The following TMEM117 variants were observed in gnomAD, a reference collection of about 807,000 sequenced individuals.
The protein encoded by TMEM117 is transmembrane protein 117.
A neutral mutation model predicts 52.4 loss-of-function variants in TMEM117; 27 were observed. The ratio of observed to expected loss-of-function variants is 0.51; its 90% CI spans 0.38 to 0.71. TMEM117 has a LOEUF of 0.71. Ranked by LOEUF, TMEM117 falls within the 30% of genes least tolerant of loss-of-function variation. TMEM117 has a pLI of 0.00. For synonymous variants in TMEM117, 215 were observed against 206.3 expected (o/e 1.04, Z -0.36); for missense variants, 556 against 630.5 (o/e 0.88, Z 1.26).
chr12:44,237,763 TAATCATC>T (rs1950015972), intron 5 of TMEM117, among the ~76,000 whole-genome samples: 2 of 152,110 alleles, frequency 1.3e-5, no homozygotes, highest in African/African-American at 4.8e-5. Context: ...TTTGATTGTT[TAATCATC>T]ATTATCTGAT....
At chr12:43,833,377 T>C (rs1191145976), upstream of TMEM117, among the ~76,000 whole-genome samples, 1 of 152,220 alleles carries the variant, frequency 6.6e-6, no homozygotes, top group Non-Finnish European at 1.5e-5. Context: ...GAATGATTTT[T>C]ATCCCACTAT....
intron 4 of TMEM117, among the ~76,000 whole-genome samples, chr12:44,167,821 G>A (rs1391948207): frequency 3.9e-5 from 6 of 152,278 alleles, no homozygotes; most frequent in African/African-American, 1.4e-4. Context: ...TCTGAGGTCT[G>A]CATTACATAG....
intron 2 of TMEM117, among the ~76,000 whole-genome samples, chr12:43,902,613 T>C (rs1271864930): frequency 6.6e-6 from 1 of 152,076 alleles, no homozygotes; most frequent in Non-Finnish European, 1.5e-5. Flanking sequence ...TAGGAGGGTA[T>C]TGGAACCAGA....
intron 2 of TMEM117, among the ~76,000 whole-genome samples, chr12:43,852,523 AC>A (rs1315035642): frequency 1.3e-5 from 2 of 152,156 alleles, no homozygotes; most frequent in Non-Finnish European, 2.9e-5. Flanking sequence ...AATCACTTGA[AC>A]CCAGGAGGCA....
intron 2 of TMEM117, among the ~76,000 whole-genome samples, chr12:43,904,069 G>C (rs1205365168): frequency 6.6e-6 from 1 of 152,154 alleles, no homozygotes; most frequent in African/African-American, 2.4e-5. Context: ...TTTAAGAAAA[G>C]AAGTATTTTG....
At chr12:43,845,015 A>G (rs1450896696) in intron 2 of TMEM117, 87 bp downstream of exon 2, 8 of 1,474,392 alleles carry the variant, frequency 5.4e-6, no homozygotes, top group Middle Eastern at 4.3e-4. Context: ...CTAAGTGCCA[A>G]TGTAGGAGGC....
intron 3 of TMEM117, among the ~76,000 whole-genome samples, chr12:44,051,012 C>T (rs756145963): frequency 3.3e-5 from 5 of 152,078 alleles, no homozygotes; most frequent in Non-Finnish European, 7.4e-5. Flanking sequence ...TATTACGATC[C>T]TTGGGATTTG....
At chr12:43,829,948 C>T in the TMEM117 span, among the ~76,000 whole-genome samples, 29 of 151,496 alleles carry the variant, frequency 1.9e-4, no homozygotes, top group South Asian at 4.0e-3. Flanking sequence ...ATTAGCTGGG[C>T]GTGGTGGTGC....
intron 4 of TMEM117, among the ~76,000 whole-genome samples, chr12:44,154,384 T>A (rs73290230): frequency 0.031 from 4,642 of 151,980 alleles, 159 homozygotes; most frequent in African/African-American, 0.083. Flanking sequence ...TGACCAGAGG[T>A]TATATGAGAA....
intron 6 of TMEM117, among the ~76,000 whole-genome samples, chr12:44,326,600 A>C (rs1184463724): frequency 6.6e-6 from 1 of 152,200 alleles, no homozygotes; most frequent in East Asian, 1.9e-4. Context: ...AGATCATATG[A>C]AGAGCAATGT....
the TMEM117 span, among the ~76,000 whole-genome samples, chr12:43,827,323 C>T: frequency 2.6e-5 from 4 of 152,042 alleles, no homozygotes; most frequent in Admixed American, 2.0e-4. Context: ...CTGTTTGAGC[C>T]TTGAGCTTTA....
intron 6 of TMEM117, among the ~76,000 whole-genome samples, chr12:44,313,965 C>CT (rs1471763351): frequency 1.3e-5 from 2 of 152,094 alleles, no homozygotes; most frequent in Non-Finnish European, 2.9e-5. Context: ...TGTCCTGAAA[C>CT]TTTACTAAAG....
At chr12:44,188,178 C>T (rs1592591966) in intron 4 of TMEM117, among the ~76,000 whole-genome samples, 1 of 152,110 alleles carries the variant, frequency 6.6e-6, no homozygotes, top group Admixed American at 6.6e-5. Flanking sequence ...TTATCTATTG[C>T]TGATTTGGGG....
intron 5 of TMEM117, among the ~76,000 whole-genome samples, chr12:44,239,240 G>A (rs1029848334): frequency 2.6e-5 from 4 of 152,096 alleles, no homozygotes; most frequent in African/African-American, 9.7e-5. Context: ...TTCAAATAAT[G>A]GGTGAAAATG....
At chr12:43,923,138 T>C (rs769969047) in intron 2 of TMEM117, among the ~76,000 whole-genome samples, 5 of 152,194 alleles carry the variant, frequency 3.3e-5, no homozygotes, top group Non-Finnish European at 7.4e-5. Context: ...GTCTATCAGA[T>C]ATGTTGCTTC....
intron 3 of TMEM117, among the ~76,000 whole-genome samples, chr12:43,987,431 CAT>C (rs1311891797): frequency 2.6e-5 from 4 of 152,084 alleles, no homozygotes; most frequent in African/African-American, 9.7e-5. Flanking sequence ...TTCTGTTTAA[CAT>C]ATTTTAATCT....
At chr12:43,972,551 C>G (rs1239955135) in intron 3 of TMEM117, among the ~76,000 whole-genome samples, 2 of 152,172 alleles carry the variant, frequency 1.3e-5, no homozygotes, top group Non-Finnish European at 2.9e-5. Flanking sequence ...CTGCTCACGT[C>G]CTGCTGATTG....
At chr12:44,165,079 G>A (rs187557376) in intron 4 of TMEM117, among the ~76,000 whole-genome samples, 8 of 152,020 alleles carry the variant, frequency 5.3e-5, no homozygotes, top group East Asian at 1.9e-4. Flanking sequence ...CCCTGCCACC[G>A]CCTTCACCCC....
At chr12:44,001,459 C>T (rs116092432) in intron 3 of TMEM117, among the ~76,000 whole-genome samples, 2,390 of 152,228 alleles carry the variant, frequency 0.016, 25 homozygotes, top group Middle Eastern at 0.027. Flanking sequence ...ATTGAAGTAG[C>T]AACTGTGGTA....
Sources: allele counts gnomAD v4.1 joint callset (sites outside exome capture counted in the v4.1 genomes callset), GRCh38; gene constraint gnomAD v4.1.1; transcripts MANE v1.5; gene names NCBI Gene and HGNC (gene_info 2026-07-23, HGNC 2026-07-21).